The following DSG3 variants were observed in gnomAD, a reference collection of about 807,000 sequenced individuals.
DSG3 encodes desmoglein 3, also known as desmoglein-3.
Under a neutral mutation model 85.9 loss-of-function variants are expected in DSG3, and 63 were observed. That is an observed-to-expected ratio of 0.73 (90% CI 0.60 to 0.90). The LOEUF is 0.90. DSG3 is among the 40% of genes least tolerant of loss of function. The pLI is 0.00. For missense variants in DSG3, 1,220 were observed against 1,219.9 expected (o/e 1.00, Z 0.00); for synonymous variants, 447 against 441.9 (o/e 1.01, Z -0.14).
At position 31,475,884 on chromosome 18, in the gene DSG3, AAGAC is replaced by A. The variant is rs771550159; in HGVS notation, c.2627_2630del (p.Asp876AlafsTer12). 17 of 1,614,020 alleles carry A rather than the reference AAGAC, an allele frequency of 1.1e-5. No homozygotes were observed. In the Admixed American group the frequency reaches 2.8e-4, roughly 27 times the overall value. The stretch of plus-strand genomic sequence containing the variant: ...GGCAAAGAAGTTCAGCCACCCTCTA[AAGAC>A]AGCGGTTATGGGATTGAATCCTGTG... On this transcript the variant is annotated frameshift_variant, in exon 16 of 16. Transcript: ENST00000257189. LOFTEE classifies it low-confidence loss of function (END_TRUNC).
intron 8 of DSG3, among the ~76,000 whole-genome samples, chr18:31,462,403 G>A (rs758584629): frequency 4.6e-5 from 7 of 152,160 alleles, no homozygotes; most frequent in Non-Finnish European, 7.3e-5. Context: ...CTATGAGAGC[G>A]TCCTTATTTA....
chr18:31,463,720 G>C (rs1243836149), intron 8 of DSG3, among the ~76,000 whole-genome samples: 3 of 152,142 alleles, frequency 2.0e-5, no homozygotes, highest in Admixed American at 6.5e-5. Context: ...ATGAGGTAAG[G>C]CTTTTTTTTC....
chr18:31,474,543 C>G (rs923021737), intron 15 of DSG3, 139 bp downstream of exon 15: 1 of 1,117,968 alleles, frequency 8.9e-7, no homozygotes, highest in African/African-American at 1.6e-5. Flanking sequence ...TTGTTTTTTG[C>G]CAAAATAATA....
At position 31,472,480 on chromosome 18, in the gene DSG3, T is replaced by C. The variant is rs577920042; in HGVS notation, c.2037+57T>C. On this transcript the variant is annotated intron_variant, in intron 13 of 15. Coordinates refer to ENST00000257189, the MANE Select transcript of DSG3 (RefSeq NM_001944.3). ...AATTACATAGAGAAAATGTTTGATTTACATTGAGATAGGAAAAGAGGCAAA... is the reference window on the plus strand; with the variant it reads ...AATTACATAGAGAAAATGTTTGATTCACATTGAGATAGGAAAAGAGGCAAA... The C allele has an allele frequency of 2.9e-4, 446 of 1,559,972 alleles. 4 individuals are homozygous for C. In the South Asian group the frequency reaches 5.1e-3, roughly 18 times the overall value.
intron 11 of DSG3, among the ~76,000 whole-genome samples, chr18:31,468,780 A>G (rs1200817481): frequency 6.6e-6 from 1 of 152,154 alleles, no homozygotes; most frequent in Non-Finnish European, 1.5e-5. Flanking sequence ...GTCCTCATGC[A>G]TGGATTAATG....
At chr18:31,472,850 G>C in intron 14 of DSG3, 62 bp downstream of exon 14, 1 of 1,464,534 alleles carries the variant, frequency 6.8e-7, no homozygotes. Flanking sequence ...TAAAAAATAA[G>C]AAGTGTTCAA....
chr18:31,457,205 T>G, intron 3 of DSG3, 81 bp downstream of exon 3: 1 of 1,437,584 alleles, frequency 7.0e-7, no homozygotes, highest in Non-Finnish European at 9.3e-7. Flanking sequence ...CAATTCCAAA[T>G]AACAAAATGA....
intron 13 of DSG3, 32 bp downstream of exon 13, chr18:31,472,455 A>C (rs1421398312): frequency 7.5e-6 from 12 of 1,590,442 alleles, no homozygotes; most frequent in African/African-American, 2.7e-5. Context: ...TATGTATTTC[A>C]ATTACATAGA....
chr18:31,457,577 CTT>C (rs1444095940), intron 3 of DSG3, among the ~76,000 whole-genome samples: 2 of 78,620 alleles, frequency 2.5e-5, no homozygotes, highest in African/African-American at 7.4e-5. Flanking sequence ...TTCTTTCTTT[CTT>C]TCTTTCTTCT....
intron 9 of DSG3, among the ~76,000 whole-genome samples, chr18:31,464,997 T>C (rs995581627): frequency 1.3e-5 from 2 of 151,942 alleles, no homozygotes; most frequent in Non-Finnish European, 2.9e-5. Flanking sequence ...TTAGCCGTGG[T>C]GGTGCACACC....
intron 12 of DSG3, 118 bp from the exon 13 acceptor site, chr18:31,472,166 A>C: frequency 1.4e-6 from 2 of 1,459,232 alleles, no homozygotes; most frequent in African/African-American, 1.4e-5. Context: ...TTTCATTAGG[A>C]ATTTTCTACA....
rs1007750644 is a variant in DSG3, at chr18:31,448,050, T to C, written c.48+125T>C. On this transcript the variant is annotated intron_variant, in intron 1 of 15. Coordinates refer to ENST00000257189, the MANE Select transcript of DSG3 (RefSeq NM_001944.3). ...AGGAGTGCAGTGGAAATCAACACTT[T>C]GAAATGAAATCGTGAAGATTACCAA... 6 of 605,876 alleles carry C rather than the reference T, an allele frequency of 9.9e-6. No homozygotes were observed. In the African/African-American group the frequency reaches 1.2e-4, roughly 12 times the overall value. The allele number at this position is 605,876 out of a possible 1,614,324, so 37.5% of individuals were successfully genotyped here.
rs777050859 is a variant in DSG3 at position 31,474,319 on chromosome 18, GAAC to G, written c.2303_2305del (p.Thr768del). 360 of 1,614,172 alleles carry G rather than the reference GAAC, an allele frequency of 2.2e-4. No individual in the cohort carries two copies. The African/African-American group carries it at 3.7e-3, about 17-fold the overall frequency. ...TCCTCAGGGCAGTCTGGAACCATGAGAACAAGGCATTCCACTGGAGGAACCAAT... is the reference window on the plus strand; with the variant it reads ...TCCTCAGGGCAGTCTGGAACCATGAGAAGGCATTCCACTGGAGGAACCAAT... On this transcript the variant is annotated inframe_deletion, in exon 15 of 16. Transcript: ENST00000257189.
At position 31,469,340 on chromosome 18, in the gene DSG3, C is replaced by T; in HGVS notation, c.1888C>T (p.Leu630=). The change falls in exon 12 of 16, where the codon CTG becomes TTG. Residue 630 remains leucine, a synonymous_variant. Coordinates refer to ENST00000257189, the MANE Select transcript of DSG3 (RefSeq NM_001944.3). ...AIGLLLLGLL[L]LLLAPLLLLT... is the part of the protein sequence containing the mutation. ...CGGCCTGCTGCTCCTTGGTCTCCTG[C>T]TGCTGCTGTGTGAGTAGCCAATGTT... 6.2e-7 allele frequency: 1 copy of T among 1,612,780 alleles called. No individual in the cohort carries two copies. Among genetic ancestry groups the T allele is most frequent in the South Asian group, 1.1e-5 (1 of 91,010 alleles).
At chr18:31,471,567 G>A (rs2072855804) in intron 12 of DSG3, among the ~76,000 whole-genome samples, 1 of 152,108 alleles carries the variant, frequency 6.6e-6, no homozygotes, top group Admixed American at 6.6e-5. Flanking sequence ...GGTGGCAGTG[G>A]GGCCACTGAC....
intron 1 of DSG3, among the ~76,000 whole-genome samples, chr18:31,448,461 C>T (rs2072691838): frequency 6.6e-6 from 1 of 151,888 alleles, no homozygotes; most frequent in Non-Finnish European, 1.5e-5. Context: ...TATTATGTGC[C>T]AAAAGAAAAT....
chr18:31,449,702 G>A (rs1046955580), intron 1 of DSG3, among the ~76,000 whole-genome samples: 4 of 152,082 alleles, frequency 2.6e-5, no homozygotes, highest in African/African-American at 9.7e-5. Context: ...AGTCATAAAG[G>A]AAACTATGAA....
Position 31,469,308 on chromosome 18 carries a change from C to A in DSG3, c.1856C>A (p.Ala619Asp), listed in dbSNP as rs767256723. 5.6e-6 allele frequency: 9 copies of A among 1,613,578 alleles called. 1 individual carries two copies. In the South Asian group the frequency reaches 8.8e-5, roughly 16 times the overall value. Residue 619 changes from alanine (A) to aspartate (D), a missense_variant, in exon 12 of 16, where the codon GCC becomes GAC. Coordinates refer to ENST00000257189, the MANE Select transcript of DSG3 (RefSeq NM_001944.3). ...GRPHSGRLGPAAIGLLLLGLL... is the reference protein window; with the variant it reads ...GRPHSGRLGPDAIGLLLLGLL... ...CCGCACTCAGGGAGGCTGGGGCCTG[C>A]CGCCATCGGCCTGCTGCTCCTTGGT...
chr18:31,448,739 A>G lies in DSG3; in HGVS notation c.48+814A>G, dbSNP rs1163248860. ...AAATATACCTTAAAAATGAATGTCA[A>G]AACAATTCCTAATGCTAATTTGTAT... On this transcript the variant is annotated intron_variant, in intron 1 of 15. Coordinates refer to ENST00000257189, the MANE Select transcript of DSG3 (RefSeq NM_001944.3). Among the ~76,000 whole-genome samples, 6 of 152,130 alleles carry G rather than the reference A, an allele frequency of 3.9e-5. No individual in the cohort carries two copies. The East Asian group carries it at 1.2e-3, about 29-fold the overall frequency.
Sources: allele counts gnomAD v4.1 joint callset (sites outside exome capture counted in the v4.1 genomes callset), GRCh38; gene constraint gnomAD v4.1.1; transcripts MANE v1.5; gene names NCBI Gene and HGNC (gene_info 2026-07-23, HGNC 2026-07-21).